The following ANKFN1 variants were observed in gnomAD, a reference collection of about 807,000 sequenced individuals.
ANKFN1 encodes the protein ankyrin repeat and fibronectin type III domain containing 1.
Under a neutral mutation model 108.7 loss-of-function variants are expected in ANKFN1, and 74 were observed. The observed-to-expected ratio is 0.68, with a 90% CI of 0.56 to 0.83. The LOEUF (loss-of-function observed/expected upper bound fraction) is 0.83. Among genes scored for constraint, ANKFN1 ranks in the 40% least tolerant of loss-of-function variants. The pLI is 0.00. For synonymous variants in ANKFN1, 547 were observed against 516.2 expected (o/e 1.06, Z -0.81); for missense variants, 1,505 against 1,382.3 (o/e 1.09, Z -1.41).
At chr17:56,149,282 A>G (rs970749497), upstream of ANKFN1, among the ~76,000 whole-genome samples, 2 of 152,174 alleles carry the variant, frequency 1.3e-5, no homozygotes, top group Non-Finnish European at 2.9e-5. Context: ...ACAGGCCATG[A>G]ATAGTAATAG....
At chr17:56,475,394 A>T (rs997348410) in intron 15 of ANKFN1, among the ~76,000 whole-genome samples, 1 of 152,192 alleles carries the variant, frequency 6.6e-6, no homozygotes, top group Non-Finnish European at 1.5e-5. Flanking sequence ...AAAGGATGAG[A>T]CAGAGGAGAC....
At chr17:56,138,126 A>G (rs981878709) in intron 4 of ANKFN1, among the ~76,000 whole-genome samples, 3 of 152,236 alleles carry the variant, frequency 2.0e-5, no homozygotes, top group African/African-American at 7.2e-5. Context: ...GAAGACATCT[A>G]AAGTGAATGA....
rs753006131 is a variant in ANKFN1 at position 56,449,134 on chromosome 17, G to A, written c.1155G>A (p.Leu385=). 6.2e-7 allele frequency: 1 copy of A among 1,613,588 alleles called. No homozygotes were observed. Among genetic ancestry groups the A allele is most frequent in the South Asian group, 1.1e-5 (1 of 91,066 alleles). Residue 385 remains leucine (L), a synonymous_variant, in exon 11 of 21, where the codon TTG becomes TTA. Coordinates refer to ENST00000682825, the MANE Select transcript of ANKFN1 (RefSeq NM_001370326.1). ...GACACAAGGGACAGAGTGAAGTTTT[G>A]GAAGGTCTGCTGCAGCAGGTCCGAG... ...EPRHKGQSEV[L]EGLLQQVRAL... is the part of the protein sequence containing the mutation.
chr17:56,289,445 C>T lies in ANKFN1; in HGVS notation c.54-36776C>T, dbSNP rs191196276. Among the ~76,000 whole-genome samples the T allele has an allele frequency of 1.7e-3, 260 of 152,294 alleles. 1 individual carries two copies. The highest frequency in any genetic ancestry group is 5.9e-3 in the African/African-American group (247 of 41,572). ...AAACCCAAGGGATACTTAAAATTTA[C>T]GAGCCAGTCCTCAGCTCCTTACCAG... On this transcript the variant is annotated intron_variant, in intron 3 of 20. Coordinates refer to ENST00000682825, the MANE Select transcript of ANKFN1 (RefSeq NM_001370326.1).
intron 1 of ANKFN1, among the ~76,000 whole-genome samples, chr17:56,188,845 G>C (rs1376820460): frequency 2.0e-5 from 3 of 151,472 alleles, no homozygotes; most frequent in African/African-American, 7.3e-5. Flanking sequence ...TTCAGGATGG[G>C]GGCTAGTCAC....
chr17:56,450,846 C>T (rs187095089), intron 11 of ANKFN1, among the ~76,000 whole-genome samples: 2 of 152,088 alleles, frequency 1.3e-5, no homozygotes, highest in African/African-American at 4.8e-5. Context: ...TCATGCTCTC[C>T]CCATTACCAC....
intron 4 of ANKFN1, among the ~76,000 whole-genome samples, chr17:56,329,565 C>G (rs2045607846): frequency 6.6e-6 from 1 of 152,140 alleles, no homozygotes; most frequent in Non-Finnish European, 1.5e-5. Flanking sequence ...AGGTTAAGAT[C>G]TCAAATCTAG....
At chr17:56,055,365 G>C (rs1260741847) in intron 4 of ANKFN1, among the ~76,000 whole-genome samples, 1 of 150,678 alleles carries the variant, frequency 6.6e-6, no homozygotes, top group Admixed American at 6.6e-5. Flanking sequence ...TAGGATAATG[G>C]CCTTCAGCTT....
chr17:56,290,732 G>A (rs974151001), intron 3 of ANKFN1, among the ~76,000 whole-genome samples: 34 of 152,180 alleles, frequency 2.2e-4, no homozygotes, highest in Admixed American at 9.8e-4. Context: ...GCAGGCAGAT[G>A]GTAACTAATT....
chr17:56,331,294 GA>G (rs2045655725), intron 4 of ANKFN1, among the ~76,000 whole-genome samples: 1 of 152,064 alleles, frequency 6.6e-6, no homozygotes, highest in African/African-American at 2.4e-5. Context: ...ACTACCCTCT[GA>G]AAAAAATATT....
chr17:56,468,888 T>C lies in ANKFN1; in HGVS notation c.1773+2317T>C, dbSNP rs1163627845. Among the ~76,000 whole-genome samples, 4 of 152,238 alleles carry C rather than the reference T, an allele frequency of 2.6e-5. No individual in the cohort carries two copies. The East Asian group carries it at 7.7e-4, about 29-fold the overall frequency. The stretch of plus-strand genomic sequence containing the variant: ...CATTTGAGGCTCCCCTCTTCACCTT[T>C]TATAAGCAAGTGCTAAAAGAAACAT... On this transcript the variant is annotated intron_variant, in intron 15 of 20. Coordinates refer to ENST00000682825, the MANE Select transcript of ANKFN1 (RefSeq NM_001370326.1).
At chr17:56,150,652 C>T (rs1908544876), upstream of ANKFN1, among the ~76,000 whole-genome samples, 1 of 152,144 alleles carries the variant, frequency 6.6e-6, no homozygotes, top group African/African-American at 2.4e-5. Flanking sequence ...ATCACATTCT[C>T]TTCCCAAAAT....
chr17:56,303,768 T>A (rs1175255686), intron 3 of ANKFN1, among the ~76,000 whole-genome samples: 2 of 151,856 alleles, frequency 1.3e-5, no homozygotes, highest in African/African-American at 4.8e-5. Context: ...CACTGCGACC[T>A]CCACCTCCCG....
intron 20 of ANKFN1, among the ~76,000 whole-genome samples, chr17:56,507,742 T>G (rs1044033597): frequency 3.3e-5 from 5 of 152,234 alleles, no homozygotes; most frequent in Admixed American, 1.3e-4. Context: ...ATACACTCGC[T>G]TCTCCCAGTT....
intron 8 of ANKFN1, among the ~76,000 whole-genome samples, chr17:56,439,914 T>C (rs1300333235): frequency 6.6e-6 from 1 of 152,082 alleles, no homozygotes; most frequent in East Asian, 1.9e-4. Flanking sequence ...TGTGCCTGAG[T>C]ATGTGTGTGT....
chr17:56,188,581 G>GTATA (rs61556880), intron 1 of ANKFN1, among the ~76,000 whole-genome samples: 1,831 of 49,554 alleles, frequency 0.037, 101 homozygotes, highest in Middle Eastern at 0.068. Flanking sequence ...GTGTGTGTGT[G>GTATA]TATATATATA....
intron 4 of ANKFN1, among the ~76,000 whole-genome samples, chr17:56,058,439 T>G (rs1405220611): frequency 6.6e-6 from 1 of 152,254 alleles, no homozygotes; most frequent in East Asian, 1.9e-4. Context: ...TTAAACCTCA[T>G]GAACCAACCT....
chr17:56,080,422 A>G (rs1436463078), intron 4 of ANKFN1, among the ~76,000 whole-genome samples: 1 of 152,226 alleles, frequency 6.6e-6, no homozygotes, highest in Non-Finnish European at 1.5e-5. Context: ...GCTAATCCAC[A>G]AGATTCAGGA....
chr17:56,409,987 A>G (rs1168315265), intron 8 of ANKFN1, among the ~76,000 whole-genome samples: 1 of 152,154 alleles, frequency 6.6e-6, no homozygotes, highest in Non-Finnish European at 1.5e-5. Context: ...TTTTTTAAAA[A>G]AACTGAAAGT....
Sources: gnomAD v4.1 joint callset for allele counts (sites outside exome capture counted in the v4.1 genomes callset) on GRCh38, gnomAD v4.1.1 for gene constraint, MANE v1.5 for transcripts, NCBI Gene and HGNC (gene_info 2026-07-23, HGNC 2026-07-21) for gene names.